LMO7: variants seen among roughly 807,000 people sequenced by gnomAD.
LMO7 encodes the protein LIM domain only protein 7.
A neutral mutation model predicts 206.5 loss-of-function variants in LMO7; 120 were observed. The ratio of observed to expected loss-of-function variants is 0.58; its 90% confidence interval spans 0.50 to 0.68. The LOEUF (loss-of-function observed/expected upper bound fraction) is 0.68. Among genes scored for constraint, LMO7 ranks in the 30% least tolerant of loss-of-function variants. The probability of loss-of-function intolerance (pLI) is 0.00; values close to 1 mark genes in which losing one functional copy is unlikely to be tolerated. For synonymous variants in LMO7, 706 were observed against 681.5 expected, an observed-to-expected ratio of 1.04 and a Z score of -0.56; for missense variants, 1,959 against 1,957.9, an observed-to-expected ratio of 1.00 and a Z score of -0.01.
At chr13:75,846,689 A>G (rs1415625969) in intron 26 of LMO7, among the ~76,000 whole-genome samples, 1 of 152,178 alleles carries the variant, frequency 6.6e-6, no homozygotes, top group African/African-American at 2.4e-5. Context: ...TTTTGTATAT[A>G]TGTTTTCCCC....
At chr13:75,700,074 C>T (rs925082187) in intron 1 of LMO7, among the ~76,000 whole-genome samples, 3 of 152,220 alleles carry the variant, frequency 2.0e-5, no homozygotes, top group African/African-American at 7.2e-5. Flanking sequence ...CCCGGCCCTG[C>T]AGGCAGTCAG....
intron 1 of LMO7, among the ~76,000 whole-genome samples, chr13:75,687,269 T>C (rs919643259): frequency 3.3e-5 from 5 of 152,202 alleles, no homozygotes; most frequent in Admixed American, 2.6e-4. Flanking sequence ...TAGGCTGTCA[T>C]GTCAGATCAG....
At chr13:75,819,196 C>T in intron 12 of LMO7, 197 bp from the exon 13 acceptor site, 1 of 486,246 alleles carries the variant, frequency 2.1e-6, no homozygotes. Flanking sequence ...CTTATTAGGT[C>T]AGGTTTTTGA....
intron 3 of LMO7, among the ~76,000 whole-genome samples, chr13:75,755,799 A>T (rs2047644849): frequency 3.3e-5 from 5 of 152,200 alleles, no homozygotes; most frequent in Non-Finnish European, 7.3e-5. Context: ...TGTACCTAGG[A>T]ATTCTACCCA....
At chr13:75,663,171 A>C (rs2038762898) in intron 1 of LMO7, among the ~76,000 whole-genome samples, 1 of 151,828 alleles carries the variant, frequency 6.6e-6, no homozygotes, top group African/African-American at 2.4e-5. Flanking sequence ...CTCTATATAA[A>C]ACTTATGTAT....
chr13:75,703,799 C>G (rs2042457660), intron 1 of LMO7, among the ~76,000 whole-genome samples: 2 of 151,976 alleles, frequency 1.3e-5, no homozygotes, highest in Admixed American at 1.3e-4. Context: ...ACTGGCTTCT[C>G]TGACATCATG....
chr13:75,788,752 C>T (rs2052813225), intron 4 of LMO7: 1 of 152,092 alleles, frequency 6.6e-6, no homozygotes, highest in South Asian at 2.1e-4. Context: ...ATCTTGTGAG[C>T]CCAGCTCTTC....
chr13:75,810,132 ATCATTTAT>A (rs2056158436), intron 11 of LMO7, among the ~76,000 whole-genome samples: 1 of 152,188 alleles, frequency 6.6e-6, no homozygotes, highest in African/African-American at 2.4e-5. Flanking sequence ...TTTACAGTAA[ATCATTTAT>A]TCATTCTTAG....
intron 2 of LMO7, among the ~76,000 whole-genome samples, chr13:75,720,669 G>A (rs761526401): frequency 6.6e-6 from 1 of 152,142 alleles, no homozygotes; most frequent in Non-Finnish European, 1.5e-5. Context: ...CTTACTTCAG[G>A]ATGCTTCAAG....
Position 75,765,709 on chromosome 13 carries a change from C to T in LMO7, c.317+4671C>T, listed in dbSNP as rs75494831. Among the ~76,000 whole-genome samples the T allele has an allele frequency of 5.4e-3, 815 of 152,172 alleles. 7 individuals are homozygous for T. The highest frequency in any genetic ancestry group is 0.018 in the African/African-American group (759 of 41,534). Reference sequence around the variant, plus strand: ...ATCTAAGAGTCCTAGCTGCAGGGAACGGTTGTGGGATATGAGGCAGGTCTG... The same window carrying T: ...ATCTAAGAGTCCTAGCTGCAGGGAATGGTTGTGGGATATGAGGCAGGTCTG... On this transcript the variant is annotated intron_variant, in intron 4 of 30. Coordinates refer to ENST00000377534, the MANE Select transcript of LMO7 (RefSeq NM_001306080.2).
chr13:75,771,906 C>CAGGATTGCCCAG (rs6145128), intron 4 of LMO7, among the ~76,000 whole-genome samples: 151,530 of 152,096 alleles, frequency 1, 75,486 homozygotes, highest in Middle Eastern at 1. Flanking sequence ...ACTTCAGTAG[C>CAGGATTGCCCAG]AATCCTGCTA....
chr13:75,809,191 G>T lies in LMO7; in HGVS notation c.1946+8G>T, dbSNP rs748576960. Reference sequence around the variant, plus strand: ...GATTTATGGTGAGAATGGGTAAGTTGTGTGGTTCACAGTAAAAAATCTGTG... The same window carrying T: ...GATTTATGGTGAGAATGGGTAAGTTTTGTGGTTCACAGTAAAAAATCTGTG... On this transcript the variant is annotated splice_region_variant and intron_variant, in intron 11 of 30. Coordinates refer to ENST00000377534, the MANE Select transcript of LMO7 (RefSeq NM_001306080.2). The T allele has an allele frequency of 6.2e-7, 1 of 1,610,776 alleles. No individual in the cohort carries two copies. Among genetic ancestry groups the T allele is most frequent in the African/African-American group, 1.3e-5 (1 of 74,954 alleles).
At chr13:75,841,505 T>C in intron 23 of LMO7, 123 bp from the exon 24 acceptor site, 2 of 704,512 alleles carry the variant, frequency 2.8e-6, no homozygotes, top group Non-Finnish European at 4.7e-6. Context: ...CTTAACATGT[T>C]TTTTGAGTGG....
rs61405381 is a variant in LMO7 at position 75,663,408 on chromosome 13, T to TTTTCTTTC, written c.69+26702_69+26709dup. Among the ~76,000 whole-genome samples, 630 of 116,212 alleles carry TTTTCTTTC rather than the reference T, an allele frequency of 5.4e-3. 9 individuals carry two copies. The highest frequency in any genetic ancestry group is 7.5e-3 in the Non-Finnish European group (445 of 59,352). 76.2% of individuals were successfully genotyped at this position (116,212 alleles called of 152,430 possible). ...GTAAGAAGTATGTCAGTGAATTCTT[T>TTTTCTTTC]TTTCTTTCTTTCTTTCTTTCTTTCT... On this transcript the variant is annotated intron_variant, in intron 1 of 30. Transcript: ENST00000377534.
intron 3 of LMO7, among the ~76,000 whole-genome samples, chr13:75,737,857 A>G (rs1252195444): frequency 2.1e-5 from 3 of 144,920 alleles, no homozygotes; most frequent in African/African-American, 7.5e-5. Context: ...AAAAAAAAAA[A>G]AAAAAAACAC....
At chr13:75,643,802 G>T (rs910517332) in intron 1 of LMO7, among the ~76,000 whole-genome samples, 1 of 152,148 alleles carries the variant, frequency 6.6e-6, no homozygotes, top group African/African-American at 2.4e-5. Context: ...GTGAATTACA[G>T]CACAGTCCCA....
chr13:75,663,453 C>T (rs1412012497), intron 1 of LMO7, among the ~76,000 whole-genome samples: 7 of 16,008 alleles, frequency 4.4e-4, no homozygotes, highest in South Asian at 1.4e-3. Context: ...TTTTTTGAGA[C>T]GGAGCCTCGC....
intron 3 of LMO7, among the ~76,000 whole-genome samples, chr13:75,759,328 TC>T (rs2047951967): frequency 6.6e-6 from 1 of 152,130 alleles, no homozygotes; most frequent in Admixed American, 6.6e-5. Flanking sequence ...CATCCAACCA[TC>T]TTTTCTTGCC....
upstream of LMO7, among the ~76,000 whole-genome samples, chr13:75,635,381 T>C (rs548631098): frequency 6.6e-6 from 1 of 151,950 alleles, no homozygotes; most frequent in Non-Finnish European, 1.5e-5. Flanking sequence ...GAGACCTGAT[T>C]TGAGCACTGG....
Sources: gnomAD v4.1 joint callset for allele counts (sites outside exome capture counted in the v4.1 genomes callset) on GRCh38, gnomAD v4.1.1 for gene constraint, MANE v1.5 for transcripts, NCBI Gene and HGNC (gene_info 2026-07-23, HGNC 2026-07-21) for gene names.